UVRAG: variants seen among roughly 807,000 people sequenced by gnomAD.
UVRAG encodes UV radiation resistance-associated gene protein.
Under a neutral mutation model 78.0 loss-of-function variants are expected in UVRAG, and 19 were observed. The ratio of observed to expected loss-of-function variants is 0.24; its 90% CI spans 0.17 to 0.36. The LOEUF (loss-of-function observed/expected upper bound fraction) is 0.36, where lower values mean the gene tolerates loss of function less well. UVRAG is among the 10% of genes least tolerant of loss of function. The pLI, the probability that UVRAG is intolerant of heterozygous loss-of-function variation, is 1.00. For synonymous variants in UVRAG, 323 were observed against 324.6 expected (o/e 1.00, Z 0.05); for missense variants, 740 against 853.8 (o/e 0.87, Z 1.66).
intron 8 of UVRAG, among the ~76,000 whole-genome samples, chr11:75,998,045 A>G (rs544726201): frequency 2.0e-5 from 3 of 152,156 alleles, no homozygotes; most frequent in African/African-American, 4.8e-5. Context: ...ATGAAAGACA[A>G]CTCTACTCAA....
chr11:75,951,001 CACAT>C (rs1337075189), intron 6 of UVRAG, among the ~76,000 whole-genome samples: 6 of 149,950 alleles, frequency 4.0e-5, no homozygotes, highest in Non-Finnish European at 7.4e-5. Flanking sequence ...CACACACACA[CACAT>C]ATCCCAAGTG....
chr11:76,064,070 A>C (rs1435150055), intron 12 of UVRAG, among the ~76,000 whole-genome samples: 1 of 147,686 alleles, frequency 6.8e-6, no homozygotes, highest in Non-Finnish European at 1.5e-5. Flanking sequence ...TTGTATAAAT[A>C]AGTCCCACTG....
intron 9 of UVRAG, among the ~76,000 whole-genome samples, chr11:76,006,649 A>AG (rs1292277038): frequency 1.1e-4 from 12 of 114,236 alleles, no homozygotes; most frequent in Non-Finnish European, 1.7e-4. Flanking sequence ...TGTTAAAGTG[A>AG]GACCCCGTCT....
chr11:75,963,858 A>T (rs916469196), intron 7 of UVRAG, among the ~76,000 whole-genome samples: 2 of 152,136 alleles, frequency 1.3e-5, no homozygotes, highest in African/African-American at 4.8e-5. Flanking sequence ...GTGAGATCTC[A>T]CTATGTTGTC....
chr11:76,058,010 A>C (rs1053868694), intron 12 of UVRAG, among the ~76,000 whole-genome samples: 8 of 151,894 alleles, frequency 5.3e-5, no homozygotes, highest in Non-Finnish European at 1.2e-4. Flanking sequence ...TTTGAAGTGC[A>C]TGTAGCCTTA....
chr11:75,983,874 C>T (rs993336233), intron 8 of UVRAG: 5 of 160,690 alleles, frequency 3.1e-5, no homozygotes, highest in Middle Eastern at 6.3e-3. Flanking sequence ...TCTGTGGGAC[C>T]GCCATCTTGT....
intron 9 of UVRAG, among the ~76,000 whole-genome samples, chr11:76,006,855 G>C (rs1002564608): frequency 6.6e-6 from 1 of 151,758 alleles, no homozygotes; most frequent in Non-Finnish European, 1.5e-5. Context: ...AATCAAATTG[G>C]CCTCATTAAA....
chr11:76,049,775 C>G (rs73001570), intron 12 of UVRAG, among the ~76,000 whole-genome samples: 7,545 of 152,204 alleles, frequency 0.05, 279 homozygotes, highest in East Asian at 0.21. Flanking sequence ...AGTTCACATT[C>G]CTTTGGAAGA....
chr11:75,918,643 C>T (rs952519265), intron 6 of UVRAG, among the ~76,000 whole-genome samples: 8 of 152,134 alleles, frequency 5.3e-5, no homozygotes, highest in Non-Finnish European at 1.2e-4. Context: ...CTCAACACCC[C>T]CAAACTGAGA....
Position 76,141,075 on chromosome 11 carries a change from G to C in UVRAG, c.1762G>C (p.Ala588Pro). 1 of 1,614,168 alleles carries C rather than the reference G, an allele frequency of 6.2e-7. No individual in the cohort carries two copies. The highest frequency in any genetic ancestry group is 1.7e-5 in the Admixed American group (1 of 60,020). The change falls in exon 15 of 15, where the codon GCC (alanine) becomes CCC (proline). Residue 588 changes from alanine to proline, a missense_variant. By Grantham distance (27) the Ala-to-Pro change is conservative. Transcript: ENST00000356136. The stretch of plus-strand genomic sequence containing the variant: ...GCACCCTAGCCAAGAACAAGGAGAA[G>C]CCCTCTCCGGGCACCGGGCCACAGT... ...NVHPSQEQGE[A>P]LSGHRATVNG...
At chr11:76,098,157 GA>G (rs2134439503) in intron 13 of UVRAG, among the ~76,000 whole-genome samples, 1 of 151,982 alleles carries the variant, frequency 6.6e-6, no homozygotes, top group South Asian at 2.1e-4. Flanking sequence ...AAAGAAGTTA[GA>G]AAGAAAAATT....
chr11:76,014,461 C>T (rs1255298000), intron 11 of UVRAG, among the ~76,000 whole-genome samples: 4 of 152,220 alleles, frequency 2.6e-5, no homozygotes, highest in Non-Finnish European at 4.4e-5. Context: ...AAGTCCTCAT[C>T]TTCTTCCTCT....
In UVRAG at chr11:76,114,159, T is replaced by C. The variant is rs186058319; in HGVS notation, c.1306-1765T>C. Among the ~76,000 whole-genome samples the C allele has an allele frequency of 4.2e-3, 636 of 152,264 alleles. 1 individual carries two copies. Among genetic ancestry groups the C allele is most frequent in the Admixed American group, 7.6e-3 (116 of 15,292 alleles). On this transcript the variant is annotated intron_variant, in intron 13 of 14. Transcript: ENST00000356136. ...CATGTGTAAACGATTTCACTTCTTA[T>C]TGAAACAATGAATTCAGGAACGTCA...
chr11:75,881,536 G>A (rs541254785), intron 4 of UVRAG, among the ~76,000 whole-genome samples: 8 of 152,270 alleles, frequency 5.3e-5, no homozygotes, highest in Admixed American at 1.3e-4. Context: ...GGGAGGAAGG[G>A]CCCCCAAGCA....
intron 14 of UVRAG, among the ~76,000 whole-genome samples, chr11:76,121,620 G>A (rs1179979498): frequency 6.6e-6 from 1 of 152,154 alleles, no homozygotes; most frequent in African/African-American, 2.4e-5. Flanking sequence ...GCTGTGTGAT[G>A]GGGCCCCAGC....
At chr11:75,836,678 C>T (rs1314166488) in intron 1 of UVRAG, among the ~76,000 whole-genome samples, 1 of 152,194 alleles carries the variant, frequency 6.6e-6, no homozygotes, top group Non-Finnish European at 1.5e-5. Flanking sequence ...CATGTATCAA[C>T]TTCCTCTTCT....
At position 75,912,021 on chromosome 11, in the gene UVRAG, A is replaced by G; in HGVS notation, c.575A>G (p.Asp192Gly). The G allele has an allele frequency of 6.2e-7, 1 of 1,611,858 alleles. No individual in the cohort carries two copies. Among genetic ancestry groups the G allele is most frequent in the African/African-American group, 1.3e-5 (1 of 74,996 alleles). Residue 192 changes from aspartate to glycine, a missense_variant, in exon 6 of 15, where the codon GAT becomes GGT. By Grantham distance (94) the Asp-to-Gly change is moderately conservative. Transcript: ENST00000356136. ...CAGAACTGTGTTCGCAATTCTTACG[A>G]TGTCTTCTCTTTGCTACGGTAAGAA... is the stretch of plus-strand genomic sequence containing the variant. ...VDQNCVRNSY[D>G]VFSLLRLHRA...
intron 5 of UVRAG, among the ~76,000 whole-genome samples, chr11:75,907,315 C>T (rs1947636423): frequency 6.6e-6 from 1 of 151,680 alleles, no homozygotes; most frequent in Non-Finnish European, 1.5e-5. Flanking sequence ...TTGAGTCTTT[C>T]ACCATTGAGT....
chr11:76,010,895 G>A (rs1411262296), intron 11 of UVRAG, among the ~76,000 whole-genome samples: 3 of 152,086 alleles, frequency 2.0e-5, no homozygotes, highest in African/African-American at 4.8e-5. Flanking sequence ...TTTTATTCTC[G>A]AGGAAGTAGG....
Sources: gnomAD v4.1 joint callset for allele counts (sites outside exome capture counted in the v4.1 genomes callset) on GRCh38, gnomAD v4.1.1 for gene constraint, MANE v1.5 for transcripts, NCBI Gene and HGNC (gene_info 2026-07-23, HGNC 2026-07-21) for gene names.